The following ZNF496 variants were observed in gnomAD, a reference collection of about 807,000 sequenced individuals.
The protein encoded by ZNF496 is zinc finger protein 496.
A neutral mutation model predicts 58.9 loss-of-function variants in ZNF496; 11 were observed. The ratio of observed to expected loss-of-function variants is 0.19; its 90% confidence interval spans 0.12 to 0.31. The LOEUF (loss-of-function observed/expected upper bound fraction) is 0.31. Ranked by LOEUF, ZNF496 falls within the 10% of genes least tolerant of loss-of-function variation. The probability of loss-of-function intolerance (pLI) is 1.00; values close to 1 mark genes in which losing one functional copy is unlikely to be tolerated. For missense variants in ZNF496, 660 were observed against 783.0 expected (o/e 0.84, Z 1.88); for synonymous variants, 338 against 318.2 (o/e 1.06, Z -0.66).
chr1:247,310,250 T>C (rs1659558792), intron 7 of ZNF496, 74 bp downstream of exon 7: 4 of 1,594,676 alleles, frequency 2.5e-6, no homozygotes, highest in Non-Finnish European at 3.4e-6. Flanking sequence ...GGGACGAAGT[T>C]GACTCTTACT....
At chr1:247,322,156 A>C in intron 6 of ZNF496, among the ~76,000 whole-genome samples, 1 of 152,078 alleles carries the variant, frequency 6.6e-6, no homozygotes, top group East Asian at 1.9e-4. Context: ...AGTGGCATGC[A>C]CCTGTAGTCC....
At chr1:247,326,862 G>A (rs758926277) in intron 5 of ZNF496, among the ~76,000 whole-genome samples, 2 of 152,148 alleles carry the variant, frequency 1.3e-5, no homozygotes, top group African/African-American at 2.4e-5. Context: ...AAGAGACCCA[G>A]AGAGAGAAGG....
chr1:247,300,294 T>G lies in ZNF496; in HGVS notation c.*225A>C. 2.0e-5 allele frequency: 9 copies of G among 442,756 alleles called. No individual in the cohort carries two copies. The highest frequency in any genetic ancestry group is 1.2e-5 in the Non-Finnish European group (3 of 255,760). 27.4% of individuals were successfully genotyped at this position (442,756 alleles called of 1,614,324 possible). A position where few individuals can be genotyped will look rare whatever the true frequency, so the allele number is the denominator to read the frequency against. On this transcript the variant is annotated 3_prime_UTR_variant, in exon 10 of 10. Transcript: ENST00000682384. This position sits in a 1 kb window ranked among gnomAD's most constrained non-coding sequence, Gnocchi z 5.7. ...CCTGGTGATGGCACATCCCCCCCGT[T>G]TTTTGGCACAGCAGAAACAGAACAC...
Position 247,300,963 on chromosome 1 carries a change from G to A in ZNF496, c.1320C>T (p.Cys440=), listed in dbSNP as rs1212926097. 1 of 1,613,774 alleles carries A rather than the reference G, an allele frequency of 6.2e-7. No individual in the cohort carries two copies. Among genetic ancestry groups the A allele is most frequent in the Non-Finnish European group, 8.5e-7 (1 of 1,180,058 alleles). ...CCTCGCTGTCGCTGAACAGCTCCCC[G>A]CACACCGAGCACTCGTGCGGCTTCT... is the stretch of plus-strand genomic sequence containing the variant. ...EQEKPHECSV[C]GELFSDSEDL... is the part of the protein sequence containing the mutation. Residue 440 remains cysteine, a synonymous_variant, in exon 10 of 10, where the codon TGC becomes TGT. Coordinates refer to ENST00000682384, the MANE Select transcript of ZNF496 (RefSeq NM_032752.3). The surrounding 1 kb of genome is among the most constrained non-coding windows in gnomAD (Gnocchi z 5.7).
intron 6 of ZNF496, chr1:247,322,576 G>A (rs962856099): frequency 9.0e-6 from 4 of 443,262 alleles, no homozygotes; most frequent in African/African-American, 4.1e-5. Context: ...AGAGAGAGGC[G>A]AGTAAGATCA....
intron 6 of ZNF496, among the ~76,000 whole-genome samples, chr1:247,318,966 G>A (rs1205911223): frequency 6.6e-6 from 1 of 152,100 alleles, no homozygotes; most frequent in Admixed American, 6.6e-5. Context: ...GTATGTAAAA[G>A]GAGGTATATT....
At position 247,300,518 on chromosome 1, in the gene ZNF496, C is replaced by A. The variant is rs1427186592; in HGVS notation, c.*1G>T. 6.2e-7 allele frequency: 1 copy of A among 1,601,302 alleles called. No individual in the cohort carries two copies. Among genetic ancestry groups the A allele is most frequent in the Non-Finnish European group, 8.5e-7 (1 of 1,171,364 alleles). On this transcript the variant is annotated 3_prime_UTR_variant, in exon 10 of 10. Coordinates refer to ENST00000682384, the MANE Select transcript of ZNF496 (RefSeq NM_032752.3). The surrounding 1 kb of genome is among the most constrained non-coding windows in gnomAD (Gnocchi z 5.7). ...GGTGAGGCCGCCCCAGGCGGAGAGG[C>A]TCAGTAGGAGTTCAGAGCCTGCTTG... is the stretch of plus-strand genomic sequence containing the variant.
chr1:247,318,379 A>T (rs1037751811), intron 6 of ZNF496, among the ~76,000 whole-genome samples: 5 of 152,256 alleles, frequency 3.3e-5, no homozygotes, highest in Non-Finnish European at 5.9e-5. Context: ...TAGAAATGTA[A>T]GAAGCTGAGC....
intron 6 of ZNF496, among the ~76,000 whole-genome samples, chr1:247,320,320 G>C (rs757111667): frequency 6.6e-6 from 1 of 152,170 alleles, no homozygotes; most frequent in Non-Finnish European, 1.5e-5. Context: ...ATAGTAACAC[G>C]CAACAACCTG....
At chr1:247,319,541 G>A (rs907613532) in intron 6 of ZNF496, among the ~76,000 whole-genome samples, 3 of 152,216 alleles carry the variant, frequency 2.0e-5, no homozygotes, top group Non-Finnish European at 4.4e-5. Flanking sequence ...GCCCTAACAT[G>A]TCGGTAATGA....
chr1:247,308,654 T>C lies in ZNF496; in HGVS notation c.893-66A>G. 6.9e-7 allele frequency: 1 copy of C among 1,449,060 alleles called. No homozygotes were observed. The allele number at this position is 1,449,060 out of a possible 1,614,324, so 89.8% of individuals were successfully genotyped here. ...CCTACAGCACTACCTGGGAGGGTGC[T>C]ATCCGAATAGATGCCAGGCTACGAT... On this transcript the variant is annotated intron_variant, in intron 8 of 9. Coordinates refer to ENST00000682384, the MANE Select transcript of ZNF496 (RefSeq NM_032752.3). This position sits in a 1 kb window ranked among gnomAD's most constrained non-coding sequence, Gnocchi z 4.5.
Position 247,308,524 on chromosome 1 carries a change from T to C in ZNF496, c.957A>G (p.Pro319=). 6.2e-7 allele frequency: 1 copy of C among 1,614,186 alleles called. No homozygotes were observed. Among genetic ancestry groups the C allele is most frequent in the African/African-American group, 1.3e-5 (1 of 75,062 alleles). ...CCGTCTGTGGGCAGGCCTGGAACTC[T>C]GGCACCTGCAGCTCCTCACGTTTCC... is the stretch of plus-strand genomic sequence containing the variant. ...ERRKREELQV[P]EFQACPQTVV... Residue 319 remains proline, a synonymous_variant, in exon 9 of 10, where the codon CCA becomes CCG. Coordinates refer to ENST00000682384, the MANE Select transcript of ZNF496 (RefSeq NM_032752.3). The surrounding 1 kb of genome is among the most constrained non-coding windows in gnomAD (Gnocchi z 4.5).
chr1:247,311,803 G>C (rs570345913), intron 6 of ZNF496: 1 of 152,158 alleles, frequency 6.6e-6, no homozygotes. Context: ...CCCCACCTCT[G>C]TGGCAGCTCT....
Position 247,329,598 on chromosome 1 carries a change from C to G in ZNF496, c.-20G>C, listed in dbSNP as rs1174372789. The G allele has an allele frequency of 6.5e-7, 1 of 1,529,464 alleles. No homozygotes were observed. The highest frequency in any genetic ancestry group is 2.3e-5 in the East Asian group (1 of 44,130). The allele number at this position is 1,529,464 out of a possible 1,614,324, so 94.7% of individuals were successfully genotyped here. A position where few individuals can be genotyped will look rare whatever the true frequency, so the allele number is the denominator to read the frequency against. On this transcript the variant is annotated 5_prime_UTR_variant, in exon 4 of 10. Transcript: ENST00000682384. This position sits in a 1 kb window ranked among gnomAD's most constrained non-coding sequence, Gnocchi z 5.5. ...GGGCATGATGGGATTTGATGGGGGT[C>G]AGCAGCAGAAGACGACCCTATTTCC...
At chr1:247,310,613 T>C (rs1659570326) in intron 6 of ZNF496, 157 bp from the exon 7 acceptor site, 1 of 959,248 alleles carries the variant, frequency 1.0e-6, no homozygotes. Flanking sequence ...ACGTCCAAGA[T>C]CAAGGTGCCA....
chr1:247,308,357 A>G lies in ZNF496; in HGVS notation c.1006+118T>C, dbSNP rs921306329. ...AGCACACCACATATACCACATGTGT[A>G]TGCACGCACACATGCATTCAACACA... On this transcript the variant is annotated intron_variant, in intron 9 of 9. Coordinates refer to ENST00000682384, the MANE Select transcript of ZNF496 (RefSeq NM_032752.3). This position sits in a 1 kb window ranked among gnomAD's most constrained non-coding sequence, Gnocchi z 4.5. The G allele has an allele frequency of 5.6e-6, 5 of 894,036 alleles. No homozygotes were observed. The African/African-American group carries it at 8.3e-5, about 15-fold the overall frequency. 55.4% of individuals were successfully genotyped at this position (894,036 alleles called of 1,614,324 possible).
intron 9 of ZNF496, among the ~76,000 whole-genome samples, chr1:247,304,821 T>A (rs1361302220): frequency 1.3e-5 from 2 of 152,180 alleles, no homozygotes; most frequent in African/African-American, 2.4e-5. Context: ...AGTTCATAGC[T>A]GGAGAGGGTT....
rs948175704 is a variant in ZNF496 at position 247,310,468 on chromosome 1, G to C, written c.652-12C>G. On this transcript the variant is annotated splice_polypyrimidine_tract_variant and intron_variant, in intron 6 of 9. Coordinates refer to ENST00000682384, the MANE Select transcript of ZNF496 (RefSeq NM_032752.3). ...GGAGAAACCCGACTCTGAAAGCACA[G>C]GAGAACAGGGATGCCTCAGTCCGGG... 1 of 1,613,932 alleles carries C rather than the reference G, an allele frequency of 6.2e-7. No homozygotes were observed. The highest frequency in any genetic ancestry group is 1.3e-5 in the African/African-American group (1 of 74,938).
At position 247,302,666 on chromosome 1, in the gene ZNF496, G is replaced by T. The variant is rs534204768; in HGVS notation, c.1007-1390C>A. On this transcript the variant is annotated intron_variant, in intron 9 of 9. Transcript: ENST00000682384. ...AGAGGCTATGTTTGACGCTTATCTC[G>T]ACTCTTGGTTTTCGAGCTGCAGGAA... Among the ~76,000 whole-genome samples, 13 of 152,174 alleles carry T rather than the reference G, an allele frequency of 8.5e-5. No individual in the cohort carries two copies. In the East Asian group the frequency reaches 1.4e-3, roughly 16 times the overall value.
Sources: gnomAD v4.1 joint callset for allele counts (sites outside exome capture counted in the v4.1 genomes callset) on GRCh38, gnomAD v4.1.1 for gene constraint, Gnocchi (gnomAD v3.1) non-coding constraint, MANE v1.5 for transcripts, NCBI Gene and HGNC (gene_info 2026-07-23, HGNC 2026-07-21) for gene names.